The following TMEFF2 variants were observed in gnomAD, a reference collection of about 807,000 sequenced individuals.
The protein encoded by TMEFF2 is transmembrane protein with EGF like and two follistatin like domains 2, also known as tomoregulin-2.
A neutral mutation model predicts 53.8 loss-of-function variants in TMEFF2; 28 were observed. The observed-to-expected ratio is 0.52, with a 90% CI of 0.39 to 0.71. The LOEUF (loss-of-function observed/expected upper bound fraction) is 0.71. Ranked by LOEUF, TMEFF2 falls within the 30% of genes least tolerant of loss-of-function variation. TMEFF2 has a pLI of 0.00. For synonymous variants in TMEFF2, 162 were observed against 166.3 expected (o/e 0.97, Z 0.20); for missense variants, 353 against 455.2 (o/e 0.78, Z 2.04).
intron 5 of TMEFF2, among the ~76,000 whole-genome samples, chr2:192,041,390 A>G (rs1435071223): frequency 6.6e-6 from 1 of 152,240 alleles, no homozygotes; most frequent in Non-Finnish European, 1.5e-5. Flanking sequence ...AGACCTGTGA[A>G]ATGTGAATCA....
intron 4 of TMEFF2, among the ~76,000 whole-genome samples, chr2:192,170,297 C>A (rs2356955): frequency 0.52 from 78,540 of 151,908 alleles, 20,478 homozygotes; most frequent in East Asian, 0.63. Context: ...TCATATTTTT[C>A]TGCAAGTGCT....
Position 192,194,652 on chromosome 2 carries a change from C to G in TMEFF2, c.-128G>C. 1 of 1,041,064 alleles carries G rather than the reference C, an allele frequency of 9.6e-7. No homozygotes were observed. The highest frequency in any genetic ancestry group is 1.4e-6 in the Non-Finnish European group (1 of 711,530). The allele number at this position is 1,041,064 out of a possible 1,614,324, so 64.5% of individuals were successfully genotyped here. ...GAGGCGGCGGCGGTGGCAGTGGCAC[C>G]CGGCGGGGAAGCAGCAGCCAAACCC... On this transcript the variant is annotated 5_prime_UTR_variant, in exon 1 of 10. Coordinates refer to ENST00000272771, the MANE Select transcript of TMEFF2 (RefSeq NM_016192.4). This position sits in a 1 kb window ranked among gnomAD's most constrained non-coding sequence, Gnocchi z 4.2.
chr2:191,953,932 C>G, intron 8 of TMEFF2, 95 bp from the exon 9 acceptor site: 1 of 1,085,298 alleles, frequency 9.2e-7, no homozygotes, highest in Non-Finnish European at 1.2e-6. Context: ...CTCTGTCGCC[C>G]AGGCTGGAGT....
chr2:192,074,884 ATCT>A (rs1238978439), intron 4 of TMEFF2, among the ~76,000 whole-genome samples: 1 of 151,978 alleles, frequency 6.6e-6, no homozygotes, highest in African/African-American at 2.4e-5. Context: ...TGCCATTTTC[ATCT>A]TCTCATGAAG....
intron 4 of TMEFF2, among the ~76,000 whole-genome samples, chr2:192,085,957 T>A (rs143449652): frequency 1.3e-5 from 2 of 152,308 alleles, no homozygotes; most frequent in East Asian, 3.9e-4. Context: ...GAAATGCTGC[T>A]ATGATCTTTA....
intron 4 of TMEFF2, among the ~76,000 whole-genome samples, chr2:192,158,884 TC>T (rs1344265091): frequency 6.6e-6 from 1 of 152,094 alleles, no homozygotes; most frequent in Non-Finnish European, 1.5e-5. Flanking sequence ...CCTAAACTAT[TC>T]TTTAATGTTT....
chr2:192,075,733 C>T (rs1211581516), intron 4 of TMEFF2, among the ~76,000 whole-genome samples: 1 of 151,842 alleles, frequency 6.6e-6, no homozygotes, highest in Non-Finnish European at 1.5e-5. Flanking sequence ...GCCCTAATTG[C>T]AAAATATTTA....
At chr2:192,192,414 T>C (rs963145046) in intron 1 of TMEFF2, among the ~76,000 whole-genome samples, 1 of 152,184 alleles carries the variant, frequency 6.6e-6, no homozygotes, top group African/African-American at 2.4e-5. Context: ...CCATCTTTAA[T>C]TGTTCTTTTG....
chr2:192,120,823 G>A (rs1689533728), intron 4 of TMEFF2, among the ~76,000 whole-genome samples: 2 of 151,406 alleles, frequency 1.3e-5, no homozygotes, highest in African/African-American at 2.4e-5. Flanking sequence ...CACAACCTCC[G>A]CCTCCCAGGT....
intron 7 of TMEFF2, among the ~76,000 whole-genome samples, chr2:191,966,514 CTATG>C (rs542395309): frequency 6.6e-6 from 1 of 152,074 alleles, no homozygotes; most frequent in Non-Finnish European, 1.5e-5. Context: ...CACAGTGGAA[CTATG>C]TATGGTCAAT....
At chr2:191,966,291 A>G (rs1249564516) in intron 7 of TMEFF2, among the ~76,000 whole-genome samples, 2 of 152,144 alleles carry the variant, frequency 1.3e-5, no homozygotes, top group African/African-American at 4.8e-5. Context: ...AGAGAAGGGG[A>G]TGTGGTTTCT....
intron 4 of TMEFF2, among the ~76,000 whole-genome samples, chr2:192,165,489 G>A (rs892917679): frequency 5.9e-5 from 9 of 151,806 alleles, no homozygotes; most frequent in African/African-American, 1.7e-4. Flanking sequence ...TGTTATACTG[G>A]GCTTATCAAT....
At chr2:192,079,411 G>A (rs924144170) in intron 4 of TMEFF2, among the ~76,000 whole-genome samples, 5 of 152,064 alleles carry the variant, frequency 3.3e-5, no homozygotes, top group African/African-American at 1.2e-4. Flanking sequence ...CATCAAATAA[G>A]GTTTTTTGTA....
chr2:192,123,237 T>G (rs576442175), intron 4 of TMEFF2, among the ~76,000 whole-genome samples: 1 of 152,340 alleles, frequency 6.6e-6, no homozygotes, highest in South Asian at 2.1e-4. Context: ...TTTATGATGT[T>G]TGGCAGCATC....
At chr2:192,168,964 C>T (rs935465023) in intron 4 of TMEFF2, among the ~76,000 whole-genome samples, 7 of 152,026 alleles carry the variant, frequency 4.6e-5, no homozygotes, top group Admixed American at 1.3e-4. Context: ...AGCGATCCTC[C>T]CACCTCAGCC....
At chr2:192,094,184 G>T (rs190619091) in intron 4 of TMEFF2, among the ~76,000 whole-genome samples, 21 of 152,282 alleles carry the variant, frequency 1.4e-4, no homozygotes, top group African/African-American at 4.1e-4. Flanking sequence ...CTTCATTCTG[G>T]TTGAAGTTTT....
At chr2:191,964,946 T>C (rs1304617614) in intron 7 of TMEFF2, among the ~76,000 whole-genome samples, 1 of 152,142 alleles carries the variant, frequency 6.6e-6, no homozygotes, top group Non-Finnish European at 1.5e-5. Flanking sequence ...TTCTTTTTGG[T>C]TGGTCCTTCA....
intron 4 of TMEFF2, among the ~76,000 whole-genome samples, chr2:192,090,040 GCTTCT>G (rs1289748844): frequency 9.9e-5 from 15 of 152,050 alleles, no homozygotes; most frequent in African/African-American, 3.4e-4. Flanking sequence ...TAATTGATCT[GCTTCT>G]CTTTTCTGTA....
intron 7 of TMEFF2, among the ~76,000 whole-genome samples, chr2:191,964,796 A>G (rs1692423439): frequency 6.6e-6 from 1 of 152,046 alleles, no homozygotes; most frequent in African/African-American, 2.4e-5. Flanking sequence ...AATGTTACCA[A>G]CAACACTGTT....
Sources: gnomAD v4.1 joint callset for allele counts (sites outside exome capture counted in the v4.1 genomes callset) on GRCh38, gnomAD v4.1.1 for gene constraint, Gnocchi (gnomAD v3.1) non-coding constraint, MANE v1.5 for transcripts, NCBI Gene and HGNC (gene_info 2026-07-23, HGNC 2026-07-21) for gene names.